KRABD3: variants seen among roughly 807,000 people sequenced by gnomAD.
The protein encoded by KRABD3 is KRAB domain containing 3.
chr7:149,719,931 GC>G, the KRABD3 span: 6 of 1,457,770 alleles, frequency 4.1e-6, no homozygotes, highest in Non-Finnish European at 5.5e-6. This position sits in a 1 kb window ranked among gnomAD's most constrained non-coding sequence, Gnocchi z 5.6. Context: ...ACCTGCAGGG[GC>G]CTGGGCTGCT....
At chr7:149,723,981 T>A in the KRABD3 span, 2 of 1,385,194 alleles carry the variant, frequency 1.4e-6, no homozygotes, top group Non-Finnish European at 2.0e-6. Flanking sequence ...CCACAAACAC[T>A]CAGGCCCCCA....
the KRABD3 span, chr7:149,715,131 G>A: frequency 8.1e-7 from 1 of 1,230,760 alleles, no homozygotes; most frequent in Non-Finnish European, 1.0e-6. Flanking sequence ...GGGCGAGAAA[G>A]AGCTGGGACC....
chr7:149,721,944 A>C, the KRABD3 span: 1 of 378,514 alleles, frequency 2.6e-6, no homozygotes, highest in Non-Finnish European at 5.0e-6. Context: ...CTGGGGTCTC[A>C]TTTTATTTTT....
At chr7:149,727,453 G>A in the KRABD3 span, among the ~76,000 whole-genome samples, 1 of 152,214 alleles carries the variant, frequency 6.6e-6, no homozygotes, top group Admixed American at 6.5e-5. Flanking sequence ...GGTTATGTAG[G>A]GAAAATGAAG....
chr7:149,725,407 A>G, the KRABD3 span: 2 of 1,611,384 alleles, frequency 1.2e-6, no homozygotes, highest in African/African-American at 1.3e-5. Flanking sequence ...GCTGCCACCC[A>G]CTTCTTGTTC....
At chr7:149,715,136 G>A in the KRABD3 span, 3 of 1,230,550 alleles carry the variant, frequency 2.4e-6, no homozygotes, top group East Asian at 9.5e-5. Flanking sequence ...AGAAAGAGCT[G>A]GGACCCCCCC....
At chr7:149,733,102 C>T in the KRABD3 span, 1 of 1,361,028 alleles carries the variant, frequency 7.3e-7, no homozygotes, top group Non-Finnish European at 1.0e-6. Context: ...GAAGCTGGGC[C>T]TTGGAGGAGG....
the KRABD3 span, among the ~76,000 whole-genome samples, chr7:149,727,911 G>A: frequency 6.6e-6 from 1 of 152,180 alleles, no homozygotes; most frequent in African/African-American, 2.4e-5. Flanking sequence ...TTGCCCTCCC[G>A]CCCTGTGCCT....
the KRABD3 span, chr7:149,734,295 CTCCTGTCTT>C: frequency 7.4e-6 from 4 of 539,730 alleles, no homozygotes; most frequent in Admixed American, 1.4e-4. Context: ...TTGCTTCCCT[CTCCTGTCTT>C]TCCCACTGGA....
chr7:149,731,828 C>T, the KRABD3 span: 2 of 1,414,786 alleles, frequency 1.4e-6, no homozygotes, highest in Non-Finnish European at 2.0e-6. Context: ...ACCCAGAGCC[C>T]CAGCTTGGGG....
the KRABD3 span, among the ~76,000 whole-genome samples, chr7:149,732,795 C>A: frequency 6.6e-6 from 1 of 152,042 alleles, no homozygotes; most frequent in Admixed American, 6.6e-5. The surrounding 1 kb of genome is among the most constrained non-coding windows in gnomAD (Gnocchi z 4.0). Context: ...GCCTGGCCCT[C>A]CTGGCCCATC....
the KRABD3 span, chr7:149,719,648 A>T: frequency 6.2e-7 from 1 of 1,604,830 alleles, no homozygotes; most frequent in African/African-American, 1.4e-5. This position sits in a 1 kb window ranked among gnomAD's most constrained non-coding sequence, Gnocchi z 5.6. Context: ...GATGCGGGAG[A>T]ACTACGAGAC....
chr7:149,729,151 T>G, the KRABD3 span: 1 of 1,438,840 alleles, frequency 7.0e-7, no homozygotes, highest in Non-Finnish European at 9.2e-7. Flanking sequence ...CGAGGCCCCG[T>G]GGGGCTGACA....
At chr7:149,734,072 C>G in the KRABD3 span, 1 of 1,571,684 alleles carries the variant, frequency 6.4e-7, no homozygotes, top group Non-Finnish European at 8.6e-7. Context: ...TCCACATCTG[C>G]TCGTTCTTGC....
chr7:149,730,737 G>A, the KRABD3 span: 1 of 889,000 alleles, frequency 1.1e-6, no homozygotes, highest in Non-Finnish European at 1.7e-6. Flanking sequence ...GAGAAGGAGG[G>A]CGGGGCTGCT....
chr7:149,723,794 A>C, the KRABD3 span: 1 of 1,613,922 alleles, frequency 6.2e-7, no homozygotes, highest in Non-Finnish European at 8.5e-7. Context: ...TGTCTGAAGG[A>C]GCTCCCCGAG....
chr7:149,729,312 G>A, the KRABD3 span: 1 of 1,600,366 alleles, frequency 6.2e-7, no homozygotes, highest in Non-Finnish European at 8.5e-7. Flanking sequence ...CCTGCCACCA[G>A]CGGGGGTTCA....
chr7:149,730,862 A>G, the KRABD3 span: 1 of 435,638 alleles, frequency 2.3e-6, no homozygotes, highest in Non-Finnish European at 4.1e-6. Context: ...GGATGTATTT[A>G]TACAATAATA....
At chr7:149,730,694 G>C in the KRABD3 span, 1 of 1,213,494 alleles carries the variant, frequency 8.2e-7, no homozygotes, top group Non-Finnish European at 1.1e-6. Context: ...CACATTGGCC[G>C]TGCTTTAGTT....
Sources: gnomAD v4.1 joint callset for allele counts (sites outside exome capture counted in the v4.1 genomes callset) on GRCh38, gnomAD v4.1.1 for gene constraint, Gnocchi (gnomAD v3.1) non-coding constraint, MANE v1.5 for transcripts, NCBI Gene and HGNC (gene_info 2026-07-23, HGNC 2026-07-21) for gene names.